Variants in SDK1 observed in about 807,000 individuals in gnomAD.
SDK1 encodes protein sidekick-1.
Under a neutral mutation model 245.5 loss-of-function variants are expected in SDK1, and 157 were observed. The ratio of observed to expected loss-of-function variants is 0.64; its 90% confidence interval spans 0.56 to 0.73. SDK1 has a LOEUF of 0.73. SDK1 is among the 30% of genes least tolerant of loss of function. The pLI, the probability that SDK1 is intolerant of heterozygous loss-of-function variation, is 0.00. For missense variants in SDK1, 3,583 were observed against 3,002.3 expected (o/e 1.19, Z -4.52); for synonymous variants, 1,647 against 1,278.5 (o/e 1.29, Z -6.15).
At chr7:3,711,335 T>G (rs117526202) in intron 4 of SDK1, among the ~76,000 whole-genome samples, 1 of 152,328 alleles carries the variant, frequency 6.6e-6, no homozygotes, top group East Asian at 1.9e-4. Context: ...GGGCTCACAC[T>G]TCAGGGATAC....
chr7:3,929,266 C>A (rs1779889449), intron 5 of SDK1, among the ~76,000 whole-genome samples: 1 of 152,236 alleles, frequency 6.6e-6, no homozygotes, highest in African/African-American at 2.4e-5. Context: ...AAGCGTTGCT[C>A]TTGATCTACA....
chr7:3,459,197 G>C (rs1780761200), intron 1 of SDK1, among the ~76,000 whole-genome samples: 1 of 152,096 alleles, frequency 6.6e-6, no homozygotes, highest in South Asian at 2.1e-4. Flanking sequence ...GAGAAGTTTT[G>C]TCTATTCTTT....
Position 4,157,647 on chromosome 7 carries a change from T to C in SDK1, c.4626-801T>C, listed in dbSNP as rs573319443. On this transcript the variant is annotated intron_variant, in intron 30 of 44. Transcript: ENST00000404826. ...TCGACGGGCTGGGGGTATTTTTCAC[T>C]TGGATGCTTGACAGGGATGTGGTCT... is the stretch of plus-strand genomic sequence containing the variant. 3.9e-5 allele frequency among the ~76,000 whole-genome samples: 6 copies of C among 152,282 alleles called. No homozygotes were observed. In the South Asian group the frequency reaches 1.0e-3, roughly 26 times the overall value.
intron 1 of SDK1, among the ~76,000 whole-genome samples, chr7:3,582,683 T>TTAAAAAAAAAAA (rs1780545607): frequency 1.4e-5 from 1 of 69,672 alleles, no homozygotes; most frequent in African/African-American, 5.7e-5. Flanking sequence ...TAAACTAAAG[T>TTAAAAAAAAAAA]AAAAAAAAAA....
chr7:3,835,734 TATC>T (rs1296796809), intron 5 of SDK1, among the ~76,000 whole-genome samples: 1 of 152,234 alleles, frequency 6.6e-6, no homozygotes, highest in African/African-American at 2.4e-5. Context: ...GCATTGAGGA[TATC>T]ATGATTGAAG....
At chr7:3,320,362 T>C (rs1197521102) in intron 1 of SDK1, among the ~76,000 whole-genome samples, 5 of 152,140 alleles carry the variant, frequency 3.3e-5, no homozygotes, top group Non-Finnish European at 7.3e-5. Context: ...AATAAAAGTA[T>C]ATGTTTTTAT....
chr7:3,942,015 T>G (rs1230118835), intron 5 of SDK1, among the ~76,000 whole-genome samples: 1 of 151,568 alleles, frequency 6.6e-6, no homozygotes, highest in Non-Finnish European at 1.5e-5. Flanking sequence ...TTCATGCCAT[T>G]CTCCTGCCTC....
chr7:3,991,206 C>G lies in SDK1; in HGVS notation c.2131+3884C>G, dbSNP rs1341810341. Among the ~76,000 whole-genome samples the G allele has an allele frequency of 1.2e-4, 18 of 152,224 alleles. 1 individual carries two copies. On this transcript the variant is annotated intron_variant, in intron 14 of 44. Transcript: ENST00000404826. ...GACGGGCGACGAGGGACAGCATCAG[C>G]AAGGACCCCTCAGTGCCAGGCCCCC...
intron 1 of SDK1, among the ~76,000 whole-genome samples, chr7:3,316,394 T>C (rs961833234): frequency 6.6e-6 from 1 of 152,198 alleles, no homozygotes; most frequent in African/African-American, 2.4e-5. Flanking sequence ...ATAGGCTATA[T>C]ATCATATAAC....
intron 3 of SDK1, among the ~76,000 whole-genome samples, chr7:3,641,495 A>G (rs1782646153): frequency 6.6e-6 from 1 of 152,170 alleles, no homozygotes; most frequent in Non-Finnish European, 1.5e-5. Context: ...AGATCTGTGC[A>G]GGAGACAGTG....
At chr7:4,186,107 A>G (rs535888270) in intron 35 of SDK1, among the ~76,000 whole-genome samples, 1 of 152,358 alleles carries the variant, frequency 6.6e-6, no homozygotes, top group African/African-American at 2.4e-5. Flanking sequence ...CTTTAAAACA[A>G]AACGAAACAA....
intron 5 of SDK1, among the ~76,000 whole-genome samples, chr7:3,874,147 A>C (rs1781019644): frequency 6.6e-6 from 1 of 152,202 alleles, no homozygotes; most frequent in African/African-American, 2.4e-5. Context: ...TCGTTTGGTC[A>C]GAGATTTGGC....
At chr7:4,208,532 T>C (rs1047231541) in intron 37 of SDK1, among the ~76,000 whole-genome samples, 3 of 152,212 alleles carry the variant, frequency 2.0e-5, no homozygotes, top group Non-Finnish European at 4.4e-5. Context: ...GCATGCTTTT[T>C]CCCAGAGCCC....
chr7:4,048,631 A>G (rs886879077), intron 17 of SDK1, among the ~76,000 whole-genome samples: 3 of 152,122 alleles, frequency 2.0e-5, no homozygotes, highest in South Asian at 2.1e-4. Flanking sequence ...AACACAGTCC[A>G]GATGAGGCCC....
chr7:3,836,025 A>G (rs980129426), intron 5 of SDK1, among the ~76,000 whole-genome samples: 1 of 152,226 alleles, frequency 6.6e-6, no homozygotes, highest in Non-Finnish European at 1.5e-5. Context: ...AGGCTTATAT[A>G]GAGAAAATAT....
At chr7:3,838,617 G>C (rs913825749) in intron 5 of SDK1, among the ~76,000 whole-genome samples, 2 of 152,098 alleles carry the variant, frequency 1.3e-5, no homozygotes, top group Non-Finnish European at 2.9e-5. Flanking sequence ...TGGAAGTTCA[G>C]GGTTCCACAT....
At chr7:3,568,590 G>A (rs1780001670) in intron 1 of SDK1, among the ~76,000 whole-genome samples, 1 of 152,108 alleles carries the variant, frequency 6.6e-6, no homozygotes. Context: ...TGTCTCCAAG[G>A]TTATTGATCA....
chr7:3,890,930 T>C (rs530346970), intron 5 of SDK1, among the ~76,000 whole-genome samples: 2 of 152,260 alleles, frequency 1.3e-5, no homozygotes, highest in East Asian at 3.9e-4. Flanking sequence ...AGAATCCATC[T>C]CAAAACACCA....
At chr7:3,380,513 C>G (rs1001454495) in intron 1 of SDK1, among the ~76,000 whole-genome samples, 1 of 152,168 alleles carries the variant, frequency 6.6e-6, no homozygotes, top group East Asian at 1.9e-4. Flanking sequence ...GAGGAATTGG[C>G]GGTTCAGTTT....
Sources: gnomAD v4.1 joint callset for allele counts (sites outside exome capture counted in the v4.1 genomes callset) on GRCh38, gnomAD v4.1.1 for gene constraint, MANE v1.5 for transcripts, NCBI Gene and HGNC (gene_info 2026-07-23, HGNC 2026-07-21) for gene names.